Variants in GRID2 observed in about 807,000 individuals in gnomAD.
GRID2 encodes the protein glutamate receptor ionotropic, delta-2.
A neutral mutation model predicts 114.8 loss-of-function variants in GRID2; 33 were observed. The ratio of observed to expected loss-of-function variants is 0.29; its 90% CI spans 0.22 to 0.38. The LOEUF is 0.38. Ranked by LOEUF, GRID2 falls within the 10% of genes least tolerant of loss-of-function variation. The pLI, the probability that GRID2 is intolerant of heterozygous loss-of-function variation, is 1.00. For missense variants in GRID2, 1,184 were observed against 1,257.7 expected, an observed-to-expected ratio of 0.94 and a Z score of 0.89; for synonymous variants, 505 against 449.9, an observed-to-expected ratio of 1.12 and a Z score of -1.55.
At chr4:92,533,446 C>CACATACAT (rs71579567) in intron 1 of GRID2, among the ~76,000 whole-genome samples, 10,132 of 149,964 alleles carry the variant, frequency 0.068, 388 homozygotes, top group Middle Eastern at 0.12. Flanking sequence ...AGTACTAGGA[C>CACATACAT]ACATACATAC....
At chr4:93,785,080 G>A (rs754062795) in intron 1 of GRID2, among the ~76,000 whole-genome samples, 8 of 152,160 alleles carry the variant, frequency 5.3e-5, no homozygotes, top group Non-Finnish European at 4.4e-5. Context: ...CCAAGTCACC[G>A]TGGAGGGTAA....
intron 8 of GRID2, 130 bp from the exon 9 acceptor site, chr4:93,395,477 A>G (rs1300459196): frequency 5.9e-6 from 3 of 512,486 alleles, no homozygotes; most frequent in Non-Finnish European, 1.1e-5. Context: ...ATTTAAAAAG[A>G]AAACCTGTGC....
chr4:92,363,819 CTTTTTTT>C (rs11342142), intron 1 of GRID2, among the ~76,000 whole-genome samples: 2 of 124,096 alleles, frequency 1.6e-5, no homozygotes, highest in South Asian at 2.6e-4. Flanking sequence ...ATTAAGTTTA[CTTTTTTT>C]TTTTTTTTTT....
At chr4:93,475,934 G>C (rs1035997923) in intron 11 of GRID2, among the ~76,000 whole-genome samples, 4 of 152,038 alleles carry the variant, frequency 2.6e-5, no homozygotes, top group Non-Finnish European at 5.9e-5. Context: ...CTGCAGTCTT[G>C]CTTCATGCTG....
At chr4:93,164,056 C>G (rs547811667) in intron 4 of GRID2, among the ~76,000 whole-genome samples, 1 of 151,884 alleles carries the variant, frequency 6.6e-6, no homozygotes, top group Admixed American at 6.6e-5. Flanking sequence ...GTTCATCACA[C>G]GTGAACTTGG....
chr4:93,046,280 T>C (rs568374408), intron 2 of GRID2, among the ~76,000 whole-genome samples: 5 of 152,058 alleles, frequency 3.3e-5, no homozygotes, highest in Non-Finnish European at 7.4e-5. Flanking sequence ...CCAATAACAA[T>C]CTCTGTCGGT....
At chr4:93,294,873 A>T (rs1296710958) in intron 8 of GRID2, among the ~76,000 whole-genome samples, 1 of 152,182 alleles carries the variant, frequency 6.6e-6, no homozygotes, top group Non-Finnish European at 1.5e-5. Flanking sequence ...ACTTTGGAAC[A>T]GGGTAGGAGA....
intron 1 of GRID2, among the ~76,000 whole-genome samples, chr4:92,493,662 C>G (rs765233640): frequency 6.6e-6 from 1 of 152,138 alleles, no homozygotes; most frequent in Non-Finnish European, 1.5e-5. Context: ...TTATTTGTCT[C>G]TCATTGACTC....
intron 3 of GRID2, among the ~76,000 whole-genome samples, chr4:93,104,267 A>G (rs1052965991): frequency 2.6e-5 from 4 of 152,154 alleles, no homozygotes; most frequent in African/African-American, 9.7e-5. Context: ...ATTACCACAA[A>G]TTTAGAGGCT....
intron 2 of GRID2, among the ~76,000 whole-genome samples, chr4:92,625,322 A>G (rs77870415): frequency 0.016 from 2,361 of 151,964 alleles, 55 homozygotes; most frequent in African/African-American, 0.054. Flanking sequence ...TTAGAGCTAG[A>G]AGATCCTCAG....
chr4:93,798,855 T>C (rs921659375), intron 1 of GRID2, among the ~76,000 whole-genome samples: 14 of 152,316 alleles, frequency 9.2e-5, no homozygotes, highest in African/African-American at 2.6e-4. Flanking sequence ...GTGGCAACCA[T>C]TGGTTGAGTG....
intron 12 of GRID2, among the ~76,000 whole-genome samples, chr4:93,507,232 C>A (rs2079200304): frequency 6.6e-6 from 1 of 152,106 alleles, no homozygotes; most frequent in Non-Finnish European, 1.5e-5. Context: ...ACTCTTGATA[C>A]CTTTACATTT....
At chr4:93,047,801 A>G (rs1163409880) in intron 2 of GRID2, among the ~76,000 whole-genome samples, 1 of 151,758 alleles carries the variant, frequency 6.6e-6, no homozygotes, top group Non-Finnish European at 1.5e-5. Flanking sequence ...CACCAAGCAC[A>G]TGTTACAGTT....
At chr4:93,151,334 G>A (rs572694593) in intron 4 of GRID2, among the ~76,000 whole-genome samples, 29 of 151,872 alleles carry the variant, frequency 1.9e-4, no homozygotes, top group Admixed American at 7.2e-4. Flanking sequence ...CTAAAAACAG[G>A]TGCTTCTATC....
rs557547496 is a variant in GRID2 at position 92,541,563 on chromosome 4, C to T, written c.89-48568C>T. ...TAGCAATCTATGTTCATATTAAAGC[C>T]AGTACTATTTATCAAAATGAGGATT... On this transcript the variant is annotated intron_variant, in intron 1 of 15. Coordinates refer to ENST00000282020, the MANE Select transcript of GRID2 (RefSeq NM_001510.4). Among the ~76,000 whole-genome samples, 7 of 151,854 alleles carry T rather than the reference C, an allele frequency of 4.6e-5. No individual in the cohort carries two copies. In the South Asian group the frequency reaches 1.5e-3, roughly 32 times the overall value.
In GRID2 at chr4:92,530,735, TAAA is replaced by T. The variant is rs143078058; in HGVS notation, c.89-59376_89-59374del. Among the ~76,000 whole-genome samples the T allele has an allele frequency of 3.2e-3, 405 of 126,598 alleles. 1 individual carries two copies. The highest frequency in any genetic ancestry group is 9.4e-3 in the African/African-American group (319 of 33,962). The allele number at this position is 126,598 out of a possible 152,430, so 83.1% of individuals were successfully genotyped here. On this transcript the variant is annotated intron_variant, in intron 1 of 15. Coordinates refer to ENST00000282020, the MANE Select transcript of GRID2 (RefSeq NM_001510.4). ...ACCAACATAGTGAAACCCCCTCTACTAAAAAAAAAAAAAAAAAAAAAATTAGCT... is the reference window on the plus strand; with the variant it reads ...ACCAACATAGTGAAACCCCCTCTACTAAAAAAAAAAAAAAAAAAATTAGCT...
chr4:92,856,750 A>T (rs1482531651), intron 2 of GRID2, among the ~76,000 whole-genome samples: 1 of 152,166 alleles, frequency 6.6e-6, no homozygotes, highest in African/African-American at 2.4e-5. Context: ...AACATCTTGT[A>T]CGTAGTTGGT....
intron 13 of GRID2, among the ~76,000 whole-genome samples, chr4:93,516,677 T>A (rs758599409): frequency 4.6e-5 from 7 of 152,012 alleles, no homozygotes; most frequent in Non-Finnish European, 1.0e-4. Flanking sequence ...TGGATCCAAG[T>A]GGGTGAATGA....
intron 14 of GRID2, among the ~76,000 whole-genome samples, chr4:93,732,837 T>G (rs1730604540): frequency 6.6e-6 from 1 of 151,956 alleles, no homozygotes; most frequent in South Asian, 2.1e-4. Context: ...TTTCCTTACC[T>G]TCTCTCCATA....
Sources: gnomAD v4.1 joint callset for allele counts (sites outside exome capture counted in the v4.1 genomes callset) on GRCh38, gnomAD v4.1.1 for gene constraint, MANE v1.5 for transcripts, NCBI Gene and HGNC (gene_info 2026-07-23, HGNC 2026-07-21) for gene names.